CERS3: variants seen among roughly 807,000 people sequenced by gnomAD.
The protein encoded by CERS3 is LAG1 homolog, ceramide synthase 3.
CERS3 carries 33 observed loss-of-function variants against 50.3 expected under a neutral mutation model. That is an observed-to-expected ratio of 0.66 (90% CI 0.50 to 0.88). The LOEUF (loss-of-function observed/expected upper bound fraction) is 0.88, where lower values mean the gene tolerates loss of function less well. CERS3 is among the 40% of genes least tolerant of loss of function. CERS3 has a pLI of 0.00. For missense variants in CERS3, 470 were observed against 460.3 expected, an observed-to-expected ratio of 1.02 and a Z score of -0.19; for synonymous variants, 176 against 155.2, an observed-to-expected ratio of 1.13 and a Z score of -0.99.
At chr15:100,470,996 A>G (rs1040979096) in intron 9 of CERS3, among the ~76,000 whole-genome samples, 1 of 152,190 alleles carries the variant, frequency 6.6e-6, no homozygotes, top group African/African-American at 2.4e-5. Context: ...CCTAAAACAC[A>G]CTATTCAAGT....
intron 11 of CERS3, among the ~76,000 whole-genome samples, chr15:100,429,228 G>C (rs1481576746): frequency 6.6e-6 from 1 of 152,190 alleles, no homozygotes; most frequent in Middle Eastern, 3.2e-3. Context: ...CACCGGGGGA[G>C]CTGGTTTCTA....
chr15:100,538,042 C>A lies in CERS3; in HGVS notation c.-355+6609G>T, dbSNP rs2037114617. On this transcript the variant is annotated intron_variant, in intron 1 of 12. Coordinates refer to the CERS3 transcript ENST00000284382. ...ACAGGCCCTATGCAAGTTGGACATT[C>A]AGCAGGGCAGTTAAATCTTAAAGTT... Among the ~76,000 whole-genome samples the A allele has an allele frequency of 2.0e-5, 3 of 152,230 alleles. No homozygotes were observed. The South Asian group carries it at 6.2e-4, about 32-fold the overall frequency.
intron 11 of CERS3, among the ~76,000 whole-genome samples, chr15:100,415,225 A>G (rs988280279): frequency 6.6e-6 from 1 of 152,262 alleles, no homozygotes; most frequent in Non-Finnish European, 1.5e-5. Context: ...ACAATGAGAT[A>G]CCATCTCACA....
intron 2 of CERS3, among the ~76,000 whole-genome samples, chr15:100,509,497 C>G (rs1334547722): frequency 2.0e-5 from 3 of 152,152 alleles, no homozygotes; most frequent in Non-Finnish European, 4.4e-5. Context: ...GAAGGTTTCT[C>G]TCAGACAGAC....
chr15:100,453,853 C>T (rs949607637), intron 11 of CERS3, among the ~76,000 whole-genome samples: 1 of 152,060 alleles, frequency 6.6e-6, no homozygotes, highest in East Asian at 1.9e-4. Context: ...GAACGACACA[C>T]TAGCTGAAAA....
chr15:100,411,718 T>G (rs746127086), intron 11 of CERS3, among the ~76,000 whole-genome samples: 3 of 152,238 alleles, frequency 2.0e-5, no homozygotes, highest in African/African-American at 4.8e-5. Context: ...TTTGTAGAAC[T>G]ACCATACTGT....
chr15:100,411,843 G>A (rs552880339), intron 11 of CERS3, among the ~76,000 whole-genome samples: 11 of 151,958 alleles, frequency 7.2e-5, no homozygotes, highest in East Asian at 1.9e-4. Flanking sequence ...TTTGATTTGC[G>A]TTTCCCTAAT....
At chr15:100,496,902 G>C (rs2035831540) in intron 3 of CERS3, among the ~76,000 whole-genome samples, 1 of 152,154 alleles carries the variant, frequency 6.6e-6, no homozygotes, top group African/African-American at 2.4e-5. Flanking sequence ...CTGATTAAAT[G>C]TATGTCAGTC....
chr15:100,481,462 C>G (rs573607887), intron 5 of CERS3, among the ~76,000 whole-genome samples: 1 of 152,292 alleles, frequency 6.6e-6, no homozygotes, highest in South Asian at 2.1e-4. Flanking sequence ...ATTATCTTGT[C>G]CAAACAAAAC....
intron 1 of CERS3, among the ~76,000 whole-genome samples, chr15:100,543,386 G>A (rs1281743735): frequency 6.6e-6 from 1 of 152,122 alleles, no homozygotes; most frequent in African/African-American, 2.4e-5. Context: ...CTCATTTCAG[G>A]TGATTTAAAA....
rs148886764 is a variant in CERS3, at chr15:100,540,293, A to G, written c.-355+4358T>C. Among the ~76,000 whole-genome samples the G allele has an allele frequency of 2.1e-3, 320 of 152,288 alleles. 3 individuals carry two copies. The highest frequency in any genetic ancestry group is 7.3e-3 in the African/African-American group (303 of 41,558). ...CGCAGTGGCTCATACCTGTAATCCC[A>G]GCACTTTGGGAAGCCGAGGTGGGTG... On this transcript the variant is annotated intron_variant, in intron 1 of 12. Transcript: ENST00000284382.
intron 11 of CERS3, among the ~76,000 whole-genome samples, chr15:100,443,701 T>C (rs1232887447): frequency 6.9e-6 from 1 of 144,326 alleles, no homozygotes; most frequent in Non-Finnish European, 1.5e-5. Context: ...CCCAAATTTC[T>C]TCCTTACCTG....
At chr15:100,421,664 T>G (rs1464909532) in intron 11 of CERS3, among the ~76,000 whole-genome samples, 1 of 149,724 alleles carries the variant, frequency 6.7e-6, no homozygotes, top group South Asian at 2.1e-4. Flanking sequence ...GGAGGCATCA[T>G]GCTACCTGAC....
chr15:100,505,663 TAG>T (rs1318122603), intron 2 of CERS3, among the ~76,000 whole-genome samples: 1 of 152,130 alleles, frequency 6.6e-6, no homozygotes, highest in East Asian at 1.9e-4. Flanking sequence ...GAAGAAAATA[TAG>T]GAGTAAATCT....
At chr15:100,440,121 C>T (rs1946938290) in intron 11 of CERS3, among the ~76,000 whole-genome samples, 1 of 152,200 alleles carries the variant, frequency 6.6e-6, no homozygotes. Context: ...GAAGGCTGGA[C>T]CCAATCATTA....
chr15:100,513,748 G>A (rs2036418101), intron 2 of CERS3, among the ~76,000 whole-genome samples: 1 of 151,900 alleles, frequency 6.6e-6, no homozygotes, highest in African/African-American at 2.4e-5. Context: ...TATTGCCCAG[G>A]CTGGTCTCAA....
At chr15:100,501,587 C>A (rs2035999186) in intron 3 of CERS3, 90 bp downstream of exon 3, 1 of 1,146,616 alleles carries the variant, frequency 8.7e-7, no homozygotes, top group Non-Finnish European at 1.3e-6. Context: ...ACAACAGATT[C>A]TTTAAGGATC....
At chr15:100,467,499 G>T (rs1228488566) in intron 10 of CERS3, among the ~76,000 whole-genome samples, 1 of 151,798 alleles carries the variant, frequency 6.6e-6, no homozygotes, top group African/African-American at 2.4e-5. Flanking sequence ...ATCATAGGTG[G>T]CCCTCAAAGC....
At chr15:100,543,613 T>G (rs1461763319) in intron 1 of CERS3, among the ~76,000 whole-genome samples, 6 of 151,526 alleles carry the variant, frequency 4.0e-5, no homozygotes, top group African/African-American at 1.5e-4. Flanking sequence ...CACTGTCACC[T>G]CTGCCTCCTG....
Sources: gnomAD v4.1 joint callset for allele counts (sites outside exome capture counted in the v4.1 genomes callset) on GRCh38, gnomAD v4.1.1 for gene constraint, MANE v1.5 for transcripts, NCBI Gene and HGNC (gene_info 2026-07-23, HGNC 2026-07-21) for gene names.